GRID2: variants seen among roughly 807,000 people sequenced by gnomAD.
GRID2 encodes the protein glutamate receptor ionotropic, delta-2.
GRID2 carries 33 observed loss-of-function variants against 114.8 expected under a neutral mutation model. The ratio of observed to expected loss-of-function variants is 0.29; its 90% CI spans 0.22 to 0.38. The LOEUF (loss-of-function observed/expected upper bound fraction) is 0.38, where lower values mean the gene tolerates loss of function less well. Among genes scored for constraint, GRID2 ranks in the 10% least tolerant of loss-of-function variants. The probability of loss-of-function intolerance (pLI) is 1.00; values close to 1 mark genes in which losing one functional copy is unlikely to be tolerated. For synonymous variants in GRID2, 505 were observed against 449.9 expected, an observed-to-expected ratio of 1.12 and a Z score of -1.55; for missense variants, 1,184 against 1,257.7, an observed-to-expected ratio of 0.94 and a Z score of 0.89.
intron 1 of GRID2, among the ~76,000 whole-genome samples, chr4:92,490,041 C>T (rs1054417000): frequency 4.6e-5 from 7 of 152,036 alleles, no homozygotes; most frequent in African/African-American, 1.7e-4. Flanking sequence ...AAATTAGTCA[C>T]AGGGATCACT....
chr4:93,631,883 T>A (rs1316568842), intron 14 of GRID2, among the ~76,000 whole-genome samples: 2 of 152,218 alleles, frequency 1.3e-5, no homozygotes, highest in African/African-American at 4.8e-5. Context: ...ACCTGTTGTT[T>A]CCTGACTTTT....
chr4:93,710,646 C>G (rs1728405058), intron 14 of GRID2, among the ~76,000 whole-genome samples: 1 of 152,068 alleles, frequency 6.6e-6, no homozygotes, highest in African/African-American at 2.4e-5. Context: ...TACAGCCAGG[C>G]TTGTATCTTT....
chr4:93,056,145 A>T (rs946546493), intron 2 of GRID2, among the ~76,000 whole-genome samples: 2 of 151,988 alleles, frequency 1.3e-5, no homozygotes, highest in African/African-American at 4.8e-5. Flanking sequence ...TGTTATGCAA[A>T]CTGAGTATAT....
At chr4:93,610,920 T>A (rs1474680952) in intron 13 of GRID2, among the ~76,000 whole-genome samples, 1 of 140,704 alleles carries the variant, frequency 7.1e-6, no homozygotes, top group Non-Finnish European at 1.5e-5. Flanking sequence ...TCCGGTAGAA[T>A]TTGGCTGTGA....
At chr4:93,199,816 A>G (rs1027806032) in intron 4 of GRID2, among the ~76,000 whole-genome samples, 4 of 152,162 alleles carry the variant, frequency 2.6e-5, no homozygotes, top group African/African-American at 9.7e-5. Context: ...TGGTATCTAA[A>G]CAAATAATAC....
At chr4:92,798,765 G>T (rs535950951) in intron 2 of GRID2, among the ~76,000 whole-genome samples, 148 of 152,156 alleles carry the variant, frequency 9.7e-4, no homozygotes, top group Non-Finnish European at 1.9e-3. Flanking sequence ...ATACAGGACT[G>T]CAAAGTAGAT....
intron 4 of GRID2, among the ~76,000 whole-genome samples, chr4:93,201,360 C>G (rs1742088039): frequency 6.6e-6 from 1 of 152,142 alleles, no homozygotes; most frequent in Non-Finnish European, 1.5e-5. Flanking sequence ...TATAAGTAAG[C>G]TATAATATTG....
At position 93,678,947 on chromosome 4, in the gene GRID2, C is replaced by T. The variant is rs532516976; in HGVS notation, c.2360+52512C>T. 2.6e-3 allele frequency among the ~76,000 whole-genome samples: 387 copies of T among 150,638 alleles called. 12 individuals are homozygous for T. The highest frequency in any genetic ancestry group is 3.5e-3 in the Non-Finnish European group (239 of 67,784). ...TAACAATATTAACTTTAAATGTAAA[C>T]GGACTGAATCCTCCAATTAAAAGAC... On this transcript the variant is annotated intron_variant, in intron 14 of 15. Coordinates refer to ENST00000282020, the MANE Select transcript of GRID2 (RefSeq NM_001510.4).
At chr4:92,503,820 A>T (rs553677186) in intron 1 of GRID2, among the ~76,000 whole-genome samples, 1 of 152,162 alleles carries the variant, frequency 6.6e-6, no homozygotes, top group Non-Finnish European at 1.5e-5. Flanking sequence ...GTGCCCAGGG[A>T]TCTCTAACAG....
chr4:92,410,131 G>A (rs1262993858), intron 1 of GRID2, among the ~76,000 whole-genome samples: 1 of 152,064 alleles, frequency 6.6e-6, no homozygotes, highest in East Asian at 1.9e-4. Flanking sequence ...AACTTTTTGG[G>A]TTTCGGAGGA....
chr4:92,634,897 G>GAA (rs1730996511), intron 2 of GRID2, among the ~76,000 whole-genome samples: 1 of 151,212 alleles, frequency 6.6e-6, no homozygotes, highest in Non-Finnish European at 1.5e-5. Context: ...GAGAGAGAGA[G>GAA]AAATTGAGAG....
intron 8 of GRID2, among the ~76,000 whole-genome samples, chr4:93,270,774 G>A (rs1244669923): frequency 6.6e-6 from 1 of 151,924 alleles, no homozygotes; most frequent in Non-Finnish European, 1.5e-5. Context: ...AATTACAGAT[G>A]CCCATCACCA....
chr4:92,334,708 C>G (rs1727074879), intron 1 of GRID2, among the ~76,000 whole-genome samples: 2 of 152,136 alleles, frequency 1.3e-5, no homozygotes, highest in Admixed American at 6.5e-5. Flanking sequence ...CCACTCAACA[C>G]TACTACAATG....
intron 8 of GRID2, among the ~76,000 whole-genome samples, chr4:93,257,270 A>T (rs1269511803): frequency 6.6e-6 from 1 of 151,818 alleles, no homozygotes; most frequent in East Asian, 1.9e-4. Flanking sequence ...TGATTGTTTG[A>T]TACTGTAGCT....
intron 2 of GRID2, among the ~76,000 whole-genome samples, chr4:92,872,210 T>G (rs548375546): frequency 6.6e-6 from 1 of 152,294 alleles, no homozygotes; most frequent in African/African-American, 2.4e-5. Flanking sequence ...ATGCCAAACA[T>G]CAACATTACT....
chr4:92,472,833 G>A (rs1017865389), intron 1 of GRID2, among the ~76,000 whole-genome samples: 1 of 151,990 alleles, frequency 6.6e-6, no homozygotes, highest in Non-Finnish European at 1.5e-5. Context: ...TCCTGTTGTC[G>A]ACTGTATGAT....
chr4:93,109,246 G>C (rs1033032634), intron 3 of GRID2, among the ~76,000 whole-genome samples: 1 of 151,962 alleles, frequency 6.6e-6, no homozygotes, highest in Non-Finnish European at 1.5e-5. Flanking sequence ...CTTTTAACCT[G>C]CTTTGATGGT....
intron 4 of GRID2, among the ~76,000 whole-genome samples, chr4:93,111,510 A>G (rs1307479492): frequency 6.6e-6 from 1 of 152,110 alleles, no homozygotes; most frequent in Non-Finnish European, 1.5e-5. Flanking sequence ...GTATCTGTTC[A>G]TTTAGTTAGA....
In GRID2 at chr4:92,539,443, ATAT is replaced by A. The variant is rs776991153; in HGVS notation, c.89-50685_89-50683del. Among the ~76,000 whole-genome samples the A allele has an allele frequency of 3.3e-5, 5 of 152,252 alleles. No individual in the cohort carries two copies. In the South Asian group the frequency reaches 1.0e-3, roughly 32 times the overall value. On this transcript the variant is annotated intron_variant, in intron 1 of 15. Coordinates refer to ENST00000282020, the MANE Select transcript of GRID2 (RefSeq NM_001510.4). ...AGGTAGAAATATAATTTTTCTTATAATATTAATCTACTGTTCCATAGGTAATTC... is the reference window on the plus strand; with the variant it reads ...AGGTAGAAATATAATTTTTCTTATAATAATCTACTGTTCCATAGGTAATTC...
Sources: allele counts gnomAD v4.1 joint callset (sites outside exome capture counted in the v4.1 genomes callset), GRCh38; gene constraint gnomAD v4.1.1; transcripts MANE v1.5; gene names NCBI Gene and HGNC (gene_info 2026-07-23, HGNC 2026-07-21).